The following EVI5 variants were observed in gnomAD, a reference collection of about 807,000 sequenced individuals.
EVI5 encodes the protein ecotropic viral integration site 5 protein homolog.
In EVI5, 73 loss-of-function variants were observed where a neutral mutation model predicts 112.0. The ratio of observed to expected loss-of-function variants is 0.65; its 90% confidence interval spans 0.54 to 0.79. The LOEUF (loss-of-function observed/expected upper bound fraction) is 0.79, where lower values mean the gene tolerates loss of function less well. Ranked by LOEUF, EVI5 falls within the 30% of genes least tolerant of loss-of-function variation. The pLI is 0.00. For synonymous variants in EVI5, 305 were observed against 319.9 expected, an observed-to-expected ratio of 0.95 and a Z score of 0.50; for missense variants, 900 against 968.8, an observed-to-expected ratio of 0.93 and a Z score of 0.94.
chr1:92,519,422 C>A (rs1046566681), intron 19 of EVI5, among the ~76,000 whole-genome samples: 1 of 152,076 alleles, frequency 6.6e-6, no homozygotes, highest in Admixed American at 6.6e-5. Flanking sequence ...AAGGAGATTT[C>A]GTGACACTAG....
chr1:92,629,823 C>G (rs1483143934), intron 14 of EVI5, among the ~76,000 whole-genome samples: 1 of 129,754 alleles, frequency 7.7e-6, no homozygotes, highest in South Asian at 3.1e-4. Flanking sequence ...ACCCTCCCCC[C>G]ACCCCAAAAC....
At chr1:92,655,086 T>C (rs1270517926) in intron 13 of EVI5, among the ~76,000 whole-genome samples, 2 of 152,092 alleles carry the variant, frequency 1.3e-5, no homozygotes, top group South Asian at 2.1e-4. Context: ...CTCCCTACTC[T>C]TGCTAGAGAT....
intron 18 of EVI5, among the ~76,000 whole-genome samples, chr1:92,569,731 G>A (rs1172540076): frequency 6.6e-6 from 1 of 151,564 alleles, no homozygotes; most frequent in African/African-American, 2.4e-5. Context: ...GCAGGCGCCT[G>A]TAATCCCAGC....
chr1:92,595,169 T>A (rs1200880865), intron 18 of EVI5, among the ~76,000 whole-genome samples: 1 of 151,946 alleles, frequency 6.6e-6, no homozygotes, highest in African/African-American at 2.4e-5. Context: ...CCAACCCAAA[T>A]GTCCAACAAT....
intron 10 of EVI5, 70 bp from the exon 11 acceptor site, chr1:92,666,062 C>A: frequency 2.2e-6 from 2 of 929,518 alleles, no homozygotes; most frequent in South Asian, 2.9e-5. Context: ...AAATCACAGT[C>A]CTGAAAATGT....
At chr1:92,778,667 T>C (rs901127221) in intron 1 of EVI5, among the ~76,000 whole-genome samples, 1 of 152,136 alleles carries the variant, frequency 6.6e-6, no homozygotes, top group African/African-American at 2.4e-5. Flanking sequence ...CCCAGATCAA[T>C]TATTTCAATC....
At position 92,612,724 on chromosome 1, in the gene EVI5, AGG is replaced by A. The variant is rs1553204445; in HGVS notation, c.1828-4999_1828-4998del. Among the ~76,000 whole-genome samples the A allele has an allele frequency of 4.0e-3, 447 of 112,612 alleles. 2 individuals are homozygous for A. The highest frequency in any genetic ancestry group is 5.6e-3 in the Non-Finnish European group (311 of 55,962). 73.9% of individuals were successfully genotyped at this position (112,612 alleles called of 152,430 possible). On this transcript the variant is annotated intron_variant, in intron 16 of 19. Transcript: ENST00000684568. The stretch of plus-strand genomic sequence containing the variant: ...GACTCCATCTCAAAAAAAAAAAAAA[AGG>A]AAAAAAAAAAAAAAAGCCAGCCAAA...
Position 92,703,549 on chromosome 1 carries a change from C to A in EVI5, c.410G>T (p.Ser137Ile), listed in dbSNP as rs140165223. 4.4e-6 allele frequency: 7 copies of A among 1,600,390 alleles called. No individual in the cohort carries two copies. Residue 137 changes from serine (S) to isoleucine (I), a missense_variant, in exon 4 of 20, where the codon AGT becomes ATT. By Grantham distance (142) the Ser-to-Ile change is moderately radical (BLOSUM62 -2). Coordinates refer to ENST00000684568, the MANE Select transcript of EVI5 (RefSeq NM_001350197.2). Reference sequence around the variant, plus strand: ...TGAATACTGATCCTTAATTGGCATACTTTGTGCACTGCATAAAAGTTGCCA... The same window carrying A: ...TGAATACTGATCCTTAATTGGCATAATTTGTGCACTGCATAAAAGTTGCCA... The part of the protein sequence containing the change: ...IVWQLLCSAQ[S>I]MPIKDQYSEL...
chr1:92,784,537 G>T, intron 1 of EVI5: 2 of 532,998 alleles, frequency 3.8e-6, no homozygotes, highest in Non-Finnish European at 4.4e-6. Context: ...ACGAGGACGT[G>T]CCCCCGAAGC....
intron 18 of EVI5, among the ~76,000 whole-genome samples, chr1:92,600,125 C>G (rs1648804933): frequency 6.6e-6 from 1 of 152,024 alleles, no homozygotes; most frequent in Non-Finnish European, 1.5e-5. Context: ...CTCAAATTAC[C>G]TTTTATTTAG....
intron 15 of EVI5, 126 bp downstream of exon 15, chr1:92,625,668 C>A: frequency 1.5e-6 from 1 of 672,892 alleles, no homozygotes; most frequent in Non-Finnish European, 2.5e-6. Flanking sequence ...TCAATTTTGA[C>A]ATTAAACAGG....
intron 1 of EVI5, among the ~76,000 whole-genome samples, chr1:92,778,186 G>C (rs950561077): frequency 2.0e-5 from 3 of 152,050 alleles, no homozygotes; most frequent in Non-Finnish European, 4.4e-5. Flanking sequence ...GGATTACAGG[G>C]GTGAGCCACT....
At chr1:92,521,287 C>T (rs1372919749) in intron 19 of EVI5, among the ~76,000 whole-genome samples, 3 of 152,124 alleles carry the variant, frequency 2.0e-5, no homozygotes, top group Non-Finnish European at 2.9e-5. Flanking sequence ...TTGTAAAAGC[C>T]TTTTAATTAT....
At chr1:92,700,614 T>C (rs1306236931) in intron 5 of EVI5, among the ~76,000 whole-genome samples, 1 of 152,182 alleles carries the variant, frequency 6.6e-6, no homozygotes, top group African/African-American at 2.4e-5. Context: ...TGAAGGAAAC[T>C]GTGATTCCTA....
intron 9 of EVI5, among the ~76,000 whole-genome samples, chr1:92,680,980 C>T (rs1374096874): frequency 6.6e-6 from 1 of 152,098 alleles, no homozygotes; most frequent in Non-Finnish European, 1.5e-5. Flanking sequence ...AGAGCGGACC[C>T]TGGACGGAGG....
intron 14 of EVI5, among the ~76,000 whole-genome samples, chr1:92,634,614 A>G (rs1658317102): frequency 6.6e-6 from 1 of 152,044 alleles, no homozygotes; most frequent in African/African-American, 2.4e-5. Flanking sequence ...CTTCTTTGCC[A>G]TGGGTTCGAA....
intron 2 of EVI5, among the ~76,000 whole-genome samples, chr1:92,714,842 C>T (rs12129086): frequency 0.023 from 3,476 of 152,232 alleles, 67 homozygotes; most frequent in Non-Finnish European, 0.036. Flanking sequence ...TCTCCCACCT[C>T]GGACTCCCAA....
chr1:92,741,790 C>CA (rs1678458721), intron 1 of EVI5, among the ~76,000 whole-genome samples: 1 of 152,044 alleles, frequency 6.6e-6, no homozygotes, highest in Admixed American at 6.6e-5. Context: ...GATAAGAAAT[C>CA]AAAGATTCAG....
chr1:92,562,398 C>T (rs10465755), intron 19 of EVI5, among the ~76,000 whole-genome samples: 13,134 of 152,018 alleles, frequency 0.086, 1,603 homozygotes, highest in African/African-American at 0.27. Flanking sequence ...AGCCTGGTGG[C>T]GGGCGCCTGT....
Sources: gnomAD v4.1 joint callset for allele counts (sites outside exome capture counted in the v4.1 genomes callset) on GRCh38, gnomAD v4.1.1 for gene constraint, MANE v1.5 for transcripts, NCBI Gene and HGNC (gene_info 2026-07-23, HGNC 2026-07-21) for gene names.